BLTP3A: variants seen among roughly 807,000 people sequenced by gnomAD.
BLTP3A encodes the protein ICBP90 binding protein 1.
the BLTP3A span, among the ~76,000 whole-genome samples, chr6:34,802,902 G>A: frequency 6.6e-6 from 1 of 152,096 alleles, no homozygotes; most frequent in South Asian, 2.1e-4. Flanking sequence ...GAGGCTGGGC[G>A]CAGTGGCTTA....
At chr6:34,821,439 T>TAAAAAA in the BLTP3A span, 1 of 406,996 alleles carries the variant, frequency 2.5e-6, no homozygotes, top group South Asian at 5.3e-5. Context: ...TGAGTGCATT[T>TAAAAAA]GTTCTGGCTG....
chr6:34,823,494 A>G, the BLTP3A span: 1 of 616,752 alleles, frequency 1.6e-6, no homozygotes, highest in South Asian at 2.0e-5. Flanking sequence ...TATACCCAAG[A>G]TCTAATTTCA....
At chr6:34,815,731 C>T in the BLTP3A span, among the ~76,000 whole-genome samples, 1 of 152,138 alleles carries the variant, frequency 6.6e-6, no homozygotes, top group Non-Finnish European at 1.5e-5. Context: ...CAACCTCTGC[C>T]TCCCAGGTTC....
chr6:34,808,410 A>G, the BLTP3A span, among the ~76,000 whole-genome samples: 1 of 151,626 alleles, frequency 6.6e-6, no homozygotes, highest in Admixed American at 6.6e-5. Flanking sequence ...GCAAACAGAG[A>G]ATTAATATAA....
chr6:34,832,613 TTTTTTGTAGAGAG>T, the BLTP3A span, among the ~76,000 whole-genome samples: 168 of 152,010 alleles, frequency 1.1e-3, no homozygotes, highest in Non-Finnish European at 1.9e-3. Flanking sequence ...ATTTTTAAAT[TTTTTTGTAGAGAG>T]TTTTTGTAGA....
At chr6:34,840,644 C>G in the BLTP3A span, among the ~76,000 whole-genome samples, 1 of 151,388 alleles carries the variant, frequency 6.6e-6, no homozygotes, top group Non-Finnish European at 1.5e-5. Flanking sequence ...GAGACAGAGT[C>G]TCGCTCTGTC....
At chr6:34,798,380 C>T in the BLTP3A span, among the ~76,000 whole-genome samples, 1 of 152,054 alleles carries the variant, frequency 6.6e-6, no homozygotes, top group East Asian at 1.9e-4. Context: ...AACAAATGTA[C>T]GCATTTCTGT....
At chr6:34,841,313 C>T in the BLTP3A span, among the ~76,000 whole-genome samples, 1 of 151,850 alleles carries the variant, frequency 6.6e-6, no homozygotes, top group African/African-American at 2.4e-5. Flanking sequence ...AAGTGATCCG[C>T]CCACTTCAGC....
the BLTP3A span, among the ~76,000 whole-genome samples, chr6:34,861,663 T>G: frequency 6.6e-6 from 1 of 152,238 alleles, no homozygotes; most frequent in Non-Finnish European, 1.5e-5. Flanking sequence ...AGGATTATAT[T>G]ATTTCTACAA....
the BLTP3A span, chr6:34,875,887 G>C: frequency 6.6e-6 from 1 of 152,584 alleles, no homozygotes; most frequent in African/African-American, 2.4e-5. Flanking sequence ...GACTGCTTAT[G>C]ATTTCTGCCT....
At chr6:34,867,370 C>T in the BLTP3A span, 1 of 1,614,114 alleles carries the variant, frequency 6.2e-7, no homozygotes, top group Non-Finnish European at 8.5e-7. Context: ...AAGACCTCAT[C>T]TTTCACCCGG....
At chr6:34,813,366 CT>C in the BLTP3A span, among the ~76,000 whole-genome samples, 446 of 152,312 alleles carry the variant, frequency 2.9e-3, 9 homozygotes, top group Middle Eastern at 0.02. Flanking sequence ...CCTTCTAGCT[CT>C]GAAATTCTGC....
the BLTP3A span, chr6:34,834,155 T>C: frequency 6.6e-7 from 1 of 1,504,924 alleles, no homozygotes; most frequent in Non-Finnish European, 9.1e-7. Context: ...AAACATCTAA[T>C]ATGAAGACTG....
chr6:34,839,076 C>T, the BLTP3A span, among the ~76,000 whole-genome samples: 2 of 152,222 alleles, frequency 1.3e-5, no homozygotes, highest in Admixed American at 1.3e-4. Context: ...CATGGAGAAA[C>T]CCCGTCTCTA....
the BLTP3A span, chr6:34,856,297 G>A: frequency 1.2e-5 from 19 of 1,614,066 alleles, no homozygotes; most frequent in Admixed American, 2.8e-4. Flanking sequence ...GAGGCCAGTG[G>A]GCCCAGAAGC....
the BLTP3A span, among the ~76,000 whole-genome samples, chr6:34,853,895 T>TTA: frequency 6.6e-6 from 1 of 152,102 alleles, no homozygotes; most frequent in Admixed American, 6.5e-5. Context: ...AAGTTAAAGG[T>TTA]TATGTTCACT....
the BLTP3A span, chr6:34,856,204 T>G: frequency 6.3e-7 from 1 of 1,598,114 alleles, no homozygotes; most frequent in African/African-American, 1.3e-5. Context: ...CATCATGATC[T>G]TGGGCTAAAA....
the BLTP3A span, chr6:34,858,960 A>T: frequency 6.2e-7 from 1 of 1,614,084 alleles, no homozygotes; most frequent in Non-Finnish European, 8.5e-7. Context: ...AGAATCAGAC[A>T]GCTTGCATTG....
chr6:34,855,787 A>C, the BLTP3A span: 1 of 1,590,960 alleles, frequency 6.3e-7, no homozygotes, highest in East Asian at 2.3e-5. Flanking sequence ...TGACCGCTTA[A>C]CAGGAGGTTG....
Sources: gnomAD v4.1 joint callset for allele counts (sites outside exome capture counted in the v4.1 genomes callset) on GRCh38, gnomAD v4.1.1 for gene constraint, MANE v1.5 for transcripts, NCBI Gene and HGNC (gene_info 2026-07-23, HGNC 2026-07-21) for gene names.